Variants in LRCH3 observed in about 807,000 individuals in gnomAD.
LRCH3 encodes the protein leucine rich repeats and calponin homology domain containing 3, also known as DISP complex protein LRCH3.
Under a neutral mutation model 104.5 loss-of-function variants are expected in LRCH3, and 68 were observed. The observed-to-expected ratio is 0.65, with a 90% CI of 0.54 to 0.80. The LOEUF is 0.80. LRCH3 is among the 30% of genes least tolerant of loss of function. The pLI is 0.00. For missense variants in LRCH3, 951 were observed against 953.9 expected, an observed-to-expected ratio of 1.00 and a Z score of 0.04; for synonymous variants, 344 against 361.3, an observed-to-expected ratio of 0.95 and a Z score of 0.54.
In LRCH3 at chr3:197,887,906, CAT is replaced by C. The variant is rs1194482415; in HGVS notation, c.*4242_*4243del. ...CAGCAGTTTCCCAGTATTTCAGACT[CAT>C]AATCTGTGTTTAGCACTCCAGTGTT... On this transcript the variant is annotated 3_prime_UTR_variant, in exon 21 of 21. Coordinates refer to ENST00000425562, the MANE Select transcript of LRCH3 (RefSeq NM_001365715.1). 5 of 153,270 alleles carry C rather than the reference CAT, an allele frequency of 3.3e-5. No homozygotes were observed. Among genetic ancestry groups the C allele is most frequent in the Admixed American group, 1.3e-4 (2 of 15,298 alleles). 9.5% of individuals were successfully genotyped at this position (153,270 alleles called of 1,614,324 possible).
chr3:197,852,857 C>A lies in LRCH3; in HGVS notation c.1590+237C>A, dbSNP rs371833128. Among the ~76,000 whole-genome samples the A allele has an allele frequency of 1.7e-4, 26 of 152,186 alleles. No homozygotes were observed. In the East Asian group the frequency reaches 2.9e-3, roughly 17 times the overall value. On this transcript the variant is annotated intron_variant, in intron 13 of 20. Transcript: ENST00000425562. ...TAGAGATGATATTTCCCTCCCTGAC[C>A]CCCACCAGAGGCACCGTCCCCGTCT... is the stretch of plus-strand genomic sequence containing the variant.
intron 19 of LRCH3, among the ~76,000 whole-genome samples, chr3:197,872,360 GA>G (rs56254857): frequency 0.4 from 42,313 of 106,052 alleles, 7,025 homozygotes; most frequent in South Asian, 0.45. Flanking sequence ...CTGTCTCAAA[GA>G]AAAAAAAAAA....
intron 1 of LRCH3, among the ~76,000 whole-genome samples, chr3:197,799,898 C>T (rs1033316778): frequency 7.3e-5 from 11 of 150,040 alleles, no homozygotes; most frequent in Admixed American, 5.3e-4. Context: ...AACAAAAGAA[C>T]AGGCCGGGTG....
chr3:197,829,503 A>C (rs1375835563), intron 5 of LRCH3, 61 bp from the exon 6 acceptor site: 2 of 1,050,052 alleles, frequency 1.9e-6, no homozygotes, highest in Non-Finnish European at 2.8e-6. Context: ...TGTTGATATG[A>C]TAAAAAGGAG....
At chr3:197,816,907 A>T (rs539615367) in intron 2 of LRCH3, among the ~76,000 whole-genome samples, 1 of 152,266 alleles carries the variant, frequency 6.6e-6, no homozygotes, top group East Asian at 1.9e-4. Flanking sequence ...AAGGAGTTAT[A>T]TTCTGCAAGA....
chr3:197,807,156 T>G (rs1262463680), intron 1 of LRCH3, among the ~76,000 whole-genome samples: 2 of 152,056 alleles, frequency 1.3e-5, no homozygotes, highest in East Asian at 3.9e-4. Flanking sequence ...GGGTGCTAAT[T>G]TTTACTTTCA....
At position 197,800,495 on chromosome 3, in the gene LRCH3, G is replaced by C. The variant is rs537986921; in HGVS notation, c.262+8955G>C. Among the ~76,000 whole-genome samples the C allele has an allele frequency of 2.2e-3, 331 of 152,314 alleles. 2 individuals carry two copies. The highest frequency in any genetic ancestry group is 3.5e-3 in the Non-Finnish European group (241 of 68,028). The stretch of plus-strand genomic sequence containing the variant: ...AACCACAGTGGGTACTACTTTACAA[G>C]TTGATGATTCCAAGTACTGGAAAGA... On this transcript the variant is annotated intron_variant, in intron 1 of 20. Coordinates refer to ENST00000425562, the MANE Select transcript of LRCH3 (RefSeq NM_001365715.1).
At position 197,847,959 on chromosome 3, in the gene LRCH3, T is replaced by C. The variant is rs1414520764; in HGVS notation, c.1468T>C (p.Tyr490His). Residue 490 changes from tyrosine to histidine, a missense_variant, in exon 12 of 21, where the codon TAT (tyrosine) becomes CAT (histidine). By Grantham distance (83) the Tyr-to-His change is moderately conservative. Transcript: ENST00000425562. ...AGAGGCTCAGCTTGCTGCCCTGCAG[T>C]ATGAGGAGGAGAAAATAAGGACCAA... ...RREAQLAALQ[Y>H]EEEKIRTKQI... 1.9e-6 allele frequency: 3 copies of C among 1,613,998 alleles called. No individual in the cohort carries two copies. In the South Asian group the frequency reaches 3.3e-5, roughly 18 times the overall value.
chr3:197,880,080 G>C (rs560955420), intron 20 of LRCH3, among the ~76,000 whole-genome samples: 2 of 151,210 alleles, frequency 1.3e-5, no homozygotes, highest in South Asian at 4.2e-4. Context: ...CGAGTAGCTG[G>C]GACTACAGGC....
chr3:197,817,358 G>GTATATATA (rs1165662167), intron 3 of LRCH3, 56 bp downstream of exon 3: 2 of 120,114 alleles, frequency 1.7e-5, no homozygotes, highest in Non-Finnish European at 2.1e-5. Context: ...GTGTGTGTGT[G>GTATATATA]TGTATATATA....
chr3:197,830,578 C>T (rs1735798762), intron 6 of LRCH3, 192 bp from the exon 7 acceptor site: 1 of 526,602 alleles, frequency 1.9e-6, no homozygotes, highest in Non-Finnish European at 3.4e-6. Context: ...ATAATGAGTA[C>T]ATGAGGTCTC....
chr3:197,867,377 C>A (rs1194570108), intron 17 of LRCH3, among the ~76,000 whole-genome samples: 1 of 151,724 alleles, frequency 6.6e-6, no homozygotes. Context: ...GATTGCGCCA[C>A]TGCACTCCAG....
chr3:197,835,623 TG>T (rs1380518561), intron 8 of LRCH3, 50 bp from the exon 9 acceptor site: 39 of 1,415,966 alleles, frequency 2.8e-5, no homozygotes, highest in Non-Finnish European at 3.0e-5. Context: ...CTAATTTGAA[TG>T]TTTTTTTCTG....
intron 12 of LRCH3, among the ~76,000 whole-genome samples, chr3:197,849,466 GTCC>G (rs1263546257): frequency 6.6e-6 from 1 of 151,796 alleles, no homozygotes; most frequent in African/African-American, 2.4e-5. Flanking sequence ...ATGTTCTCTT[GTCC>G]TCCTTTATCT....
chr3:197,830,189 C>T (rs1378195737), intron 6 of LRCH3, among the ~76,000 whole-genome samples: 1 of 152,176 alleles, frequency 6.6e-6, no homozygotes, highest in Non-Finnish European at 1.5e-5. Context: ...ATCTATGAGT[C>T]CCTCAGCTAC....
rs1164120335 is a variant in LRCH3 at position 197,839,541 on chromosome 3, T to C, written c.1328+144T>C. ...TGAGCGACGGTGTGCTTTTTTGTAC[T>C]CATGCCATAGAAAAGGTAAAAACTG... On this transcript the variant is annotated intron_variant, in intron 10 of 20. Transcript: ENST00000425562. 5.8e-6 allele frequency: 3 copies of C among 518,446 alleles called. No individual in the cohort carries two copies. In the East Asian group the frequency reaches 1.0e-4, roughly 18 times the overall value. The allele number at this position is 518,446 out of a possible 1,614,324, so 32.1% of individuals were successfully genotyped here. A position where few individuals can be genotyped will look rare whatever the true frequency, so the allele number is the denominator to read the frequency against.
chr3:197,839,545 G>A, intron 10 of LRCH3, 148 bp downstream of exon 10: 1 of 514,498 alleles, frequency 1.9e-6, no homozygotes, highest in Non-Finnish European at 3.4e-6. Context: ...TTGTACTCAT[G>A]CCATAGAAAA....
chr3:197,816,995 C>A (rs1297090995), intron 2 of LRCH3, among the ~76,000 whole-genome samples, 181 bp from the exon 3 acceptor site: 1 of 152,080 alleles, frequency 6.6e-6, no homozygotes, highest in Non-Finnish European at 1.5e-5. Context: ...AGATTAAGTT[C>A]AACACTGTGC....
rs185184892 is a variant in LRCH3, at chr3:197,820,391, C to G, written c.601C>G (p.Leu201Val). 5.6e-6 allele frequency: 9 copies of G among 1,611,734 alleles called. No individual in the cohort carries two copies. The highest frequency in any genetic ancestry group is 1.3e-5 in the African/African-American group (1 of 74,842). ...QIGNLEALRDLNVRRNHLVHL... is the reference protein window; with the variant it reads ...QIGNLEALRDVNVRRNHLVHL... The stretch of plus-strand genomic sequence containing the variant: ...TGGTAACCTGGAGGCCTTGAGAGAC[C>G]TTAATGTAAGAAGAAATCACCTAGT... Residue 201 changes from leucine to valine, a missense_variant, in exon 4 of 21, where the codon CTT becomes GTT. Transcript: ENST00000425562.
Sources: gnomAD v4.1 joint callset for allele counts (sites outside exome capture counted in the v4.1 genomes callset) on GRCh38, gnomAD v4.1.1 for gene constraint, MANE v1.5 for transcripts, NCBI Gene and HGNC (gene_info 2026-07-23, HGNC 2026-07-21) for gene names.